TBL1X: variants seen among roughly 807,000 people sequenced by gnomAD.
The protein encoded by TBL1X is F-box-like/WD repeat-containing protein TBL1X.
In TBL1X, 10 loss-of-function variants were observed where a neutral mutation model predicts 50.7. That is an observed-to-expected ratio of 0.20 (90% CI 0.12 to 0.33). The LOEUF (loss-of-function observed/expected upper bound fraction) is 0.33. Among genes scored for constraint, TBL1X ranks in the 10% least tolerant of loss-of-function variants. TBL1X has a pLI of 1.00. For missense variants in TBL1X, 340 were observed against 504.4 expected, an observed-to-expected ratio of 0.67 and a Z score of 3.12; for synonymous variants, 190 against 214.7, an observed-to-expected ratio of 0.88 and a Z score of 1.01.
chrX:9,551,729 T>C (rs942419302), intron 2 of TBL1X, among the ~76,000 whole-genome samples: 2 of 111,390 alleles, frequency 1.8e-5, no homozygotes, highest in Non-Finnish European at 3.8e-5. Context: ...TGTTTTTCCA[T>C]GTTGGGCTTC....
chrX:9,654,249 G>A lies in TBL1X; in HGVS notation c.138G>A (p.Pro46=), dbSNP rs200551470. ...GGSHFINTSS[P]RGEAKMSITS... The stretch of plus-strand genomic sequence containing the variant: ...CCCACTTCATCAACACCTCATCGCC[G>A]CGAGGTGAGGCTAAGATGAGCATAA... The change falls in exon 5 of 18, where the codon CCG becomes CCA. Residue 46 remains proline (P), a synonymous_variant. Coordinates refer to ENST00000645353, the MANE Select transcript of TBL1X (RefSeq NM_005647.4). 2.9e-5 allele frequency: 35 copies of A among 1,208,079 alleles called. No individual in the cohort carries two copies. The highest frequency in any genetic ancestry group is 1.2e-4 in the African/African-American group (7 of 56,767).
chrX:9,605,132 CCAGGTGACATGACACAGGGCCACA>C (rs1305697905), intron 2 of TBL1X, among the ~76,000 whole-genome samples: 4 of 110,041 alleles, frequency 3.6e-5, no homozygotes, highest in Admixed American at 9.6e-5. Flanking sequence ...GTCATGTCAC[CCAGGTGACATGACACAGGGCCACA>C]CAGGATCATC....
intron 11 of TBL1X, among the ~76,000 whole-genome samples, chrX:9,695,972 A>G (rs989071259): frequency 3.6e-5 from 4 of 112,463 alleles, no homozygotes; most frequent in African/African-American, 1.3e-4. Context: ...TACTTAGTCA[A>G]CCACAGCAGG....
intron 1 of TBL1X, among the ~76,000 whole-genome samples, chrX:9,474,935 G>A (rs1442455985): frequency 8.9e-6 from 1 of 112,366 alleles, no homozygotes; most frequent in Non-Finnish European, 1.9e-5. Context: ...GTGTAGTGGC[G>A]TGATCTCAGC....
At chrX:9,705,749 GAA>G (rs2083203724) in intron 13 of TBL1X, among the ~76,000 whole-genome samples, 2 of 96,402 alleles carry the variant, frequency 2.1e-5, no homozygotes, top group East Asian at 6.4e-4. Context: ...AAAAAGAAAA[GAA>G]ATTGAGAACT....
intron 5 of TBL1X, among the ~76,000 whole-genome samples, chrX:9,670,653 T>C (rs1453841051): frequency 1.8e-5 from 2 of 112,367 alleles, no homozygotes; most frequent in Non-Finnish European, 3.8e-5. Context: ...AGCTGACAAA[T>C]TACTCTGTAG....
At chrX:9,548,233 G>C (rs2082254814) in intron 2 of TBL1X, among the ~76,000 whole-genome samples, 2 of 110,489 alleles carry the variant, frequency 1.8e-5, no homozygotes, top group African/African-American at 6.6e-5. Flanking sequence ...TATCCTCTTT[G>C]AGTTAAGTAT....
intron 2 of TBL1X, chrX:9,530,945 C>T (rs909498742): frequency 8.9e-6 from 1 of 112,111 alleles, no homozygotes; most frequent in African/African-American, 3.2e-5. Flanking sequence ...AAGAGGCTCC[C>T]TGCCAAAGCA....
At chrX:9,524,056 C>A (rs1366717526) in intron 2 of TBL1X, among the ~76,000 whole-genome samples, 2 of 102,645 alleles carry the variant, frequency 1.9e-5, no homozygotes, top group Admixed American at 1.1e-4. Flanking sequence ...CAACCTCCAC[C>A]TCCCAGGTTC....
At chrX:9,473,339 A>G (rs2081829389) in intron 1 of TBL1X, among the ~76,000 whole-genome samples, 1 of 112,305 alleles carries the variant, frequency 8.9e-6, no homozygotes, top group Non-Finnish European at 1.9e-5. Context: ...ATCGTACACA[A>G]CTGTAATGCC....
chrX:9,475,804 G>T (rs1018602317), intron 1 of TBL1X, among the ~76,000 whole-genome samples: 1 of 111,785 alleles, frequency 8.9e-6, no homozygotes, highest in African/African-American at 3.3e-5. Context: ...TAACTTGAGA[G>T]AATTGATATG....
intron 2 of TBL1X, among the ~76,000 whole-genome samples, chrX:9,503,867 T>TC (rs1184411749): frequency 2.7e-5 from 3 of 112,477 alleles, no homozygotes; most frequent in Non-Finnish European, 3.8e-5. Context: ...TCCTGGTAGT[T>TC]CCAAGGAATC....
intron 2 of TBL1X, among the ~76,000 whole-genome samples, chrX:9,517,818 A>G (rs1344836947): frequency 8.9e-6 from 1 of 112,630 alleles, no homozygotes; most frequent in Non-Finnish European, 1.9e-5. Flanking sequence ...TTTAAAGAGT[A>G]AAGAGACTGG....
At chrX:9,698,052 C>G (rs2083143473) in intron 12 of TBL1X, among the ~76,000 whole-genome samples, 1 of 111,885 alleles carries the variant, frequency 8.9e-6, no homozygotes, top group Non-Finnish European at 1.9e-5. Context: ...CCACTGTATT[C>G]CAGCCTAGGT....
chrX:9,509,202 A>G (rs756898385), intron 2 of TBL1X, among the ~76,000 whole-genome samples: 29 of 106,902 alleles, frequency 2.7e-4, no homozygotes, highest in African/African-American at 9.2e-4. Context: ...CCTGGCTAAC[A>G]TGGTGAAACA....
intron 2 of TBL1X, among the ~76,000 whole-genome samples, chrX:9,540,439 G>C (rs942537258): frequency 2.7e-5 from 3 of 112,426 alleles, no homozygotes; most frequent in Non-Finnish European, 5.6e-5. Flanking sequence ...TTGTGAACCA[G>C]AAAGGCCCCA....
chrX:9,498,200 G>A (rs1374463485), intron 1 of TBL1X, among the ~76,000 whole-genome samples: 1 of 111,948 alleles, frequency 8.9e-6, no homozygotes, highest in Non-Finnish European at 1.9e-5. Flanking sequence ...ATCAGTAAAG[G>A]TCATTGACAT....
At chrX:9,579,980 T>A (rs1017562505) in intron 2 of TBL1X, among the ~76,000 whole-genome samples, 3 of 111,302 alleles carry the variant, frequency 2.7e-5, no homozygotes, top group African/African-American at 9.8e-5. Flanking sequence ...ATTATTGGAG[T>A]TGCTGTTACT....
chrX:9,715,913 T>G (rs2083275687), intron 17 of TBL1X, among the ~76,000 whole-genome samples: 1 of 112,325 alleles, frequency 8.9e-6, no homozygotes. Context: ...GGGCTCGTAT[T>G]GTCATCTGCC....
Sources: allele counts gnomAD v4.1 joint callset (sites outside exome capture counted in the v4.1 genomes callset), GRCh38; gene constraint gnomAD v4.1.1; transcripts MANE v1.5; gene names NCBI Gene and HGNC (gene_info 2026-07-23, HGNC 2026-07-21).